Variants in TP63 observed in about 807,000 individuals in gnomAD.
TP63 encodes tumor protein p63.
Under a neutral mutation model 82.8 loss-of-function variants are expected in TP63, and 17 were observed. The ratio of observed to expected loss-of-function variants is 0.21; its 90% CI spans 0.14 to 0.31. The LOEUF is 0.31. Among genes scored for constraint, TP63 ranks in the 10% least tolerant of loss-of-function variants. The pLI is 1.00. For missense variants in TP63, 648 were observed against 895.3 expected, an observed-to-expected ratio of 0.72 and a Z score of 3.52; for synonymous variants, 330 against 321.7, an observed-to-expected ratio of 1.03 and a Z score of -0.28.
At chr3:189,838,300 C>A (rs1450604512) in intron 4 of TP63, among the ~76,000 whole-genome samples, 2 of 152,060 alleles carry the variant, frequency 1.3e-5, no homozygotes, top group African/African-American at 4.8e-5. Flanking sequence ...GGCAGCTTCT[C>A]ATAATAGGTT....
At chr3:189,692,341 T>C (rs1373280609) in intron 1 of TP63, among the ~76,000 whole-genome samples, 1 of 152,082 alleles carries the variant, frequency 6.6e-6, no homozygotes, top group Non-Finnish European at 1.5e-5. Flanking sequence ...CTCTATTTCT[T>C]TCTTCTTTTC....
the TP63 span, among the ~76,000 whole-genome samples, chr3:189,598,324 G>C: frequency 6.7e-6 from 1 of 150,362 alleles, no homozygotes; most frequent in African/African-American, 2.5e-5. Context: ...CGGAATGGGA[G>C]AGGAGAGAAG....
the TP63 span, among the ~76,000 whole-genome samples, chr3:189,598,996 G>A: frequency 6.6e-6 from 1 of 152,242 alleles, no homozygotes; most frequent in South Asian, 2.1e-4. Flanking sequence ...CTTGCCCACA[G>A]CAAAGCAGAG....
intron 1 of TP63, among the ~76,000 whole-genome samples, chr3:189,711,078 C>T (rs1718561759): frequency 6.6e-6 from 1 of 152,108 alleles, no homozygotes; most frequent in African/African-American, 2.4e-5. Context: ...TTACAGTGCC[C>T]ATGTCTAAGG....
chr3:189,875,718 T>C (rs1457259929), intron 10 of TP63, among the ~76,000 whole-genome samples: 1 of 147,908 alleles, frequency 6.8e-6, no homozygotes, highest in African/African-American at 2.5e-5. Flanking sequence ...TTCTTGAGGC[T>C]CCAATTTTGT....
chr3:189,600,140 G>A, the TP63 span, among the ~76,000 whole-genome samples: 1 of 152,076 alleles, frequency 6.6e-6, no homozygotes, highest in East Asian at 1.9e-4. Context: ...GTCCTTTTGA[G>A]CATCACCAAC....
intron 13 of TP63, among the ~76,000 whole-genome samples, chr3:189,892,182 C>G (rs1721089682): frequency 6.6e-6 from 1 of 152,162 alleles, no homozygotes; most frequent in African/African-American, 2.4e-5. Flanking sequence ...GTAGTAGATT[C>G]CTACATTTTG....
chr3:189,725,757 T>C (rs1434707369), intron 1 of TP63, among the ~76,000 whole-genome samples: 2 of 152,086 alleles, frequency 1.3e-5, no homozygotes, highest in Non-Finnish European at 2.9e-5. Context: ...CCAATACAAA[T>C]GTAAAATTAT....
rs1717772980 is a variant in TP63, at chr3:189,866,739, A to T, written c.824A>T (p.Tyr275Phe). ...GTAGAGGGGAACAGCCATGCCCAGT[A>T]TGTAGAAGATCCCATCACAGGAAGA... ...IRVEGNSHAQ[Y>F]VEDPITGRQS... The change falls in exon 6 of 14, where the codon TAT (tyrosine) becomes TTT (phenylalanine). Residue 275 changes from tyrosine (Y) to phenylalanine (F), a missense_variant. Physicochemically the swap from Tyr to Phe is conservative, Grantham distance 22. Transcript: ENST00000264731. 5 of 1,613,866 alleles carry T rather than the reference A, an allele frequency of 3.1e-6. No homozygotes were observed. In the African/African-American group the frequency reaches 5.3e-5, roughly 17 times the overall value.
intron 1 of TP63, among the ~76,000 whole-genome samples, chr3:189,697,569 A>T (rs147840291): frequency 6.6e-6 from 1 of 151,980 alleles, no homozygotes; most frequent in African/African-American, 2.4e-5. Context: ...GAGTTTGCCA[A>T]TATCTCAAAA....
chr3:189,605,346 T>A, the TP63 span, among the ~76,000 whole-genome samples: 3 of 152,246 alleles, frequency 2.0e-5, no homozygotes, highest in Non-Finnish European at 4.4e-5. Flanking sequence ...GATCTCTGTA[T>A]AAGTCATTGC....
At chr3:189,711,133 C>A (rs1464454565) in intron 1 of TP63, among the ~76,000 whole-genome samples, 1 of 152,100 alleles carries the variant, frequency 6.6e-6, no homozygotes, top group East Asian at 1.9e-4. Context: ...GACTTTTGAC[C>A]TTGATGTTGC....
the TP63 span, among the ~76,000 whole-genome samples, chr3:189,619,792 C>T: frequency 6.6e-6 from 1 of 152,166 alleles, no homozygotes; most frequent in African/African-American, 2.4e-5. Context: ...TCCAGATCAA[C>T]CTCAGTAAAT....
the TP63 span, among the ~76,000 whole-genome samples, chr3:189,609,730 C>T: frequency 5.9e-5 from 9 of 152,142 alleles, no homozygotes; most frequent in East Asian, 1.9e-4. Context: ...TTTATGGCTG[C>T]GTAATATTCC....
intron 3 of TP63, among the ~76,000 whole-genome samples, chr3:189,753,884 C>T (rs1327162222): frequency 6.6e-6 from 1 of 151,972 alleles, no homozygotes; most frequent in Non-Finnish European, 1.5e-5. Context: ...TCATAGTCTG[C>T]TGAGAATCAC....
chr3:189,852,500 A>G (rs1014671547), intron 4 of TP63, among the ~76,000 whole-genome samples: 5 of 152,168 alleles, frequency 3.3e-5, no homozygotes, highest in Non-Finnish European at 7.4e-5. Flanking sequence ...TGGTACTTCC[A>G]TGTATGTATT....
At position 189,633,224 on chromosome 3, in the gene TP63, T is replaced by G. The variant is rs538333179; in HGVS notation, c.62+1647T>G. ...TTCTAAGCAATCATAGTATTTTTGG[T>G]TTTTTTTTAACCTTTATTTTAAGTT... On this transcript the variant is annotated intron_variant, in intron 1 of 13. Coordinates refer to ENST00000264731, the MANE Select transcript of TP63 (RefSeq NM_003722.5). Among the ~76,000 whole-genome samples, 50 of 144,626 alleles carry G rather than the reference T, an allele frequency of 3.5e-4. 1 individual carries two copies. The South Asian group carries it at 4.8e-3, about 14-fold the overall frequency. The allele number at this position is 144,626 out of a possible 152,430, so 94.9% of individuals were successfully genotyped here. A position where few individuals can be genotyped will look rare whatever the true frequency, so the allele number is the denominator to read the frequency against.
At position 189,799,072 on chromosome 3, in the gene TP63, T is replaced by C. The variant is rs74327649; in HGVS notation, c.325-9200T>C. On this transcript the variant is annotated intron_variant, in intron 3 of 13. Coordinates refer to ENST00000264731, the MANE Select transcript of TP63 (RefSeq NM_003722.5). ...CTTGAATGCCTATAGTCTAACAAGA[T>C]TGAGTAGTACACTCCTTGTTTCAAG... is the stretch of plus-strand genomic sequence containing the variant. 7.8e-3 allele frequency among the ~76,000 whole-genome samples: 1,195 copies of C among 152,260 alleles called. 13 individuals are homozygous for C. Among genetic ancestry groups the C allele is most frequent in the African/African-American group, 0.028 (1,147 of 41,566 alleles).
At chr3:189,702,877 A>G (rs1717917015) in intron 1 of TP63, among the ~76,000 whole-genome samples, 1 of 152,238 alleles carries the variant, frequency 6.6e-6, no homozygotes, top group Non-Finnish European at 1.5e-5. Context: ...TGTATAAAGA[A>G]TAGCAAGAAA....
Sources: allele counts gnomAD v4.1 joint callset (sites outside exome capture counted in the v4.1 genomes callset), GRCh38; gene constraint gnomAD v4.1.1; transcripts MANE v1.5; gene names NCBI Gene and HGNC (gene_info 2026-07-23, HGNC 2026-07-21).